The following ADAMTSL1 variants were observed in gnomAD, a reference collection of about 807,000 sequenced individuals.
ADAMTSL1 encodes ADAMTS like 1, also known as ADAMTS-like protein 1.
Under a neutral mutation model 201.8 loss-of-function variants are expected in ADAMTSL1, and 126 were observed. That is an observed-to-expected ratio of 0.62 (90% CI 0.54 to 0.72). ADAMTSL1 has a LOEUF of 0.72. Among genes scored for constraint, ADAMTSL1 ranks in the 30% least tolerant of loss-of-function variants. ADAMTSL1 has a pLI of 0.00. For missense variants in ADAMTSL1, 2,679 were observed against 2,277.8 expected (o/e 1.18, Z -3.59); for synonymous variants, 1,121 against 903.4 (o/e 1.24, Z -4.32).
intron 26 of ADAMTSL1, among the ~76,000 whole-genome samples, chr9:18,899,191 T>C (rs2131595028): frequency 6.6e-6 from 1 of 152,170 alleles, no homozygotes; most frequent in East Asian, 1.9e-4. Flanking sequence ...TGAACTCCCA[T>C]TCACAATTGC....
intron 1 of ADAMTSL1, among the ~76,000 whole-genome samples, chr9:18,051,062 G>A (rs951672127): frequency 6.6e-6 from 1 of 152,174 alleles, no homozygotes; most frequent in African/African-American, 2.4e-5. Flanking sequence ...AGCACTTTGG[G>A]AGGCCAAGGC....
intron 1 of ADAMTSL1, among the ~76,000 whole-genome samples, chr9:18,156,347 A>G (rs1430054602): frequency 6.6e-6 from 1 of 151,970 alleles, no homozygotes; most frequent in East Asian, 1.9e-4. Flanking sequence ...TCCTTTGCCA[A>G]TTTATCTTCA....
At chr9:18,672,830 G>T (rs1403625585) in intron 9 of ADAMTSL1, among the ~76,000 whole-genome samples, 1 of 152,122 alleles carries the variant, frequency 6.6e-6, no homozygotes, top group Admixed American at 6.5e-5. Flanking sequence ...GATGAGGTGG[G>T]ATGCCTTTTC....
At chr9:18,417,865 C>G (rs915418778) in intron 2 of ADAMTSL1, among the ~76,000 whole-genome samples, 5 of 152,134 alleles carry the variant, frequency 3.3e-5, no homozygotes, top group African/African-American at 1.2e-4. Context: ...AACTTCCCAA[C>G]TAATTTTATA....
chr9:18,406,615 G>A (rs1818220045), intron 2 of ADAMTSL1, among the ~76,000 whole-genome samples: 1 of 152,134 alleles, frequency 6.6e-6, no homozygotes, highest in Non-Finnish European at 1.5e-5. Flanking sequence ...ACAGGCGTGA[G>A]CCACCATGCC....
intron 1 of ADAMTSL1, among the ~76,000 whole-genome samples, chr9:18,000,257 C>T (rs756200040): frequency 4.6e-5 from 7 of 151,156 alleles, no homozygotes; most frequent in South Asian, 2.1e-4. Flanking sequence ...CACATCCTCT[C>T]CAGCACCTGT....
intron 2 of ADAMTSL1, among the ~76,000 whole-genome samples, chr9:18,299,030 T>A (rs1256296661): frequency 1.5e-4 from 21 of 141,338 alleles, no homozygotes; most frequent in African/African-American, 1.8e-4. Flanking sequence ...AAAATAATAA[T>A]AATAATAATA....
chr9:18,496,419 A>G (rs576443576), intron 1 of ADAMTSL1, among the ~76,000 whole-genome samples: 1 of 152,366 alleles, frequency 6.6e-6, no homozygotes, highest in African/African-American at 2.4e-5. Flanking sequence ...TCCAATCATG[A>G]GTATAGGAAT....
chr9:18,850,180 C>A (rs1051479815), intron 23 of ADAMTSL1, among the ~76,000 whole-genome samples: 1 of 152,228 alleles, frequency 6.6e-6, no homozygotes, highest in Non-Finnish European at 1.5e-5. Flanking sequence ...AACGCACTCA[C>A]ACTTGCTCCT....
At chr9:18,335,151 T>C (rs988621172) in intron 2 of ADAMTSL1, among the ~76,000 whole-genome samples, 3 of 152,172 alleles carry the variant, frequency 2.0e-5, no homozygotes, top group African/African-American at 7.2e-5. Context: ...AGATATGTCC[T>C]TCTTTCCAAG....
chr9:18,708,516 C>T (rs149238358), intron 14 of ADAMTSL1, among the ~76,000 whole-genome samples: 122 of 152,280 alleles, frequency 8.0e-4, no homozygotes, highest in African/African-American at 2.7e-3. Flanking sequence ...TTTTCTTTCA[C>T]GCTTAATGAG....
At chr9:17,951,270 G>A (rs1247591152) in intron 1 of ADAMTSL1, among the ~76,000 whole-genome samples, 1 of 152,176 alleles carries the variant, frequency 6.6e-6, no homozygotes, top group East Asian at 1.9e-4. Context: ...CTGTGCTGCT[G>A]TAGACAATGC....
intron 1 of ADAMTSL1, among the ~76,000 whole-genome samples, chr9:18,079,367 A>T (rs528347770): frequency 6.6e-6 from 1 of 152,142 alleles, no homozygotes; most frequent in African/African-American, 2.4e-5. Flanking sequence ...TATCCTTTTA[A>T]CTTCTTTAAT....
At chr9:18,535,343 C>A (rs1431240998) in intron 3 of ADAMTSL1, among the ~76,000 whole-genome samples, 1 of 152,202 alleles carries the variant, frequency 6.6e-6, no homozygotes, top group Admixed American at 6.5e-5. Flanking sequence ...GACTTTGTTG[C>A]CTGTATCACT....
At chr9:18,823,850 G>A (rs1011197462) in intron 21 of ADAMTSL1, among the ~76,000 whole-genome samples, 6 of 152,134 alleles carry the variant, frequency 3.9e-5, no homozygotes, top group African/African-American at 7.2e-5. Flanking sequence ...TTAGCTGGGC[G>A]TGGTGGTGCA....
intron 2 of ADAMTSL1, among the ~76,000 whole-genome samples, chr9:18,370,691 C>CTTT (rs34963506): frequency 0.037 from 4,591 of 123,368 alleles, 274 homozygotes; most frequent in African/African-American, 0.13. Flanking sequence ...TGTAGAGCGT[C>CTTT]TTTTTTTTTT....
intron 2 of ADAMTSL1, among the ~76,000 whole-genome samples, chr9:18,416,665 T>A (rs74891065): frequency 0.036 from 5,515 of 152,022 alleles, 130 homozygotes; most frequent in Middle Eastern, 0.061. Context: ...CATTAAAGAA[T>A]CACACCAGGA....
intron 2 of ADAMTSL1, among the ~76,000 whole-genome samples, chr9:18,514,335 T>TTTC (rs1818231332): frequency 2.2e-5 from 3 of 138,366 alleles, no homozygotes; most frequent in Admixed American, 7.0e-5. Flanking sequence ...TTCTTTTTTT[T>TTTC]TTTTTTTTTT....
At chr9:18,073,977 G>T (rs1284949561) in intron 1 of ADAMTSL1, among the ~76,000 whole-genome samples, 1 of 95,076 alleles carries the variant, frequency 1.1e-5, no homozygotes, top group Non-Finnish European at 2.3e-5. Flanking sequence ...TTGTAAAACT[G>T]ATTTTTTTTT....
Sources: gnomAD v4.1 joint callset for allele counts (sites outside exome capture counted in the v4.1 genomes callset) on GRCh38, gnomAD v4.1.1 for gene constraint, MANE v1.5 for transcripts, NCBI Gene and HGNC (gene_info 2026-07-23, HGNC 2026-07-21) for gene names.